LOXHD1: variants seen among roughly 807,000 people sequenced by gnomAD.
The protein encoded by LOXHD1 is lipoxygenase homology PLAT domains 1, also known as lipoxygenase homology domain-containing protein 1.
In LOXHD1, 205 loss-of-function variants were observed where a neutral mutation model predicts 248.2. That is an observed-to-expected ratio of 0.83 (90% CI 0.74 to 0.93). The LOEUF is 0.93. Among genes scored for constraint, LOXHD1 ranks in the 40% least tolerant of loss-of-function variants. LOXHD1 has a pLI of 0.00. For synonymous variants in LOXHD1, 1,113 were observed against 1,162.8 expected (o/e 0.96, Z 0.87); for missense variants, 2,930 against 2,971.6 (o/e 0.99, Z 0.33).
At chr18:46,629,959 T>A (rs2038799079) in intron 4 of LOXHD1, among the ~76,000 whole-genome samples, 1 of 152,118 alleles carries the variant, frequency 6.6e-6, no homozygotes, top group African/African-American at 2.4e-5. Flanking sequence ...CCTGTAATCA[T>A]CAGCCTCTCT....
chr18:46,624,845 T>G (rs982575503), intron 4 of LOXHD1, among the ~76,000 whole-genome samples: 8 of 152,162 alleles, frequency 5.3e-5, no homozygotes, highest in African/African-American at 1.9e-4. Context: ...CCTCTCACTG[T>G]CTTACAAATA....
At chr18:46,611,102 T>C (rs2038501555) in intron 5 of LOXHD1, among the ~76,000 whole-genome samples, 178 bp from the exon 6 acceptor site, 1 of 152,206 alleles carries the variant, frequency 6.6e-6, no homozygotes, top group African/African-American at 2.4e-5. Flanking sequence ...GTTTGCTTCA[T>C]GTGTGGCTTG....
At chr18:46,483,284 G>A (rs1458480282) in intron 40 of LOXHD1, among the ~76,000 whole-genome samples, 1 of 152,152 alleles carries the variant, frequency 6.6e-6, no homozygotes, top group Non-Finnish European at 1.5e-5. Flanking sequence ...GAAAGTCTCT[G>A]CTCTCTGGCA....
At chr18:46,542,008 AG>A in intron 24 of LOXHD1, 68 bp from the exon 25 acceptor site, 2 of 1,443,536 alleles carry the variant, frequency 1.4e-6, no homozygotes, top group Non-Finnish European at 9.3e-7. Flanking sequence ...GGGTAACTTC[AG>A]GGACTCCTGA....
chr18:46,512,984 A>G (rs982467662), intron 34 of LOXHD1, among the ~76,000 whole-genome samples: 36 of 152,248 alleles, frequency 2.4e-4, no homozygotes, highest in African/African-American at 7.7e-4. Flanking sequence ...ATTCAAATCC[A>G]GGTGATATAA....
chr18:46,509,474 TAATTACCTGA>T (rs2034810133), intron 35 of LOXHD1: 9 of 582,478 alleles, frequency 1.5e-5, no homozygotes, highest in South Asian at 7.7e-5. Context: ...AGCTCTTGTT[TAATTACCTGA>T]CAGTTGCTTC....
intron 3 of LOXHD1, among the ~76,000 whole-genome samples, chr18:46,641,055 C>T (rs582865): frequency 0.61 from 92,541 of 151,872 alleles, 28,824 homozygotes; most frequent in East Asian, 0.89. Flanking sequence ...AGCTAGAGGT[C>T]GCCTTTACTC....
In LOXHD1 at chr18:46,649,329, G is replaced by C. The variant is rs368570855; in HGVS notation, c.131-60C>G. On this transcript the variant is annotated intron_variant, in intron 1 of 40. Transcript: ENST00000642948. ...CAGAAAAAAACCGGAATCCTGTGTG[G>C]GCCTGGAGAATCCAGCCCTTGCTGG... The C allele has an allele frequency of 4.1e-5, 58 of 1,411,024 alleles. 1 individual carries two copies. The Admixed American group carries it at 1.1e-3, about 28-fold the overall frequency. 87.4% of individuals were successfully genotyped at this position (1,411,024 alleles called of 1,614,324 possible). A position where few individuals can be genotyped will look rare whatever the true frequency, so the allele number is the denominator to read the frequency against.
intron 23 of LOXHD1, 64 bp downstream of exon 23, chr18:46,545,253 C>G: frequency 8.2e-7 from 1 of 1,223,512 alleles, no homozygotes; most frequent in Non-Finnish European, 1.2e-6. Context: ...GAAATTTCTG[C>G]TGAGTCTTCT....
Position 46,584,645 on chromosome 18 carries a change from G to C in LOXHD1, c.1655-4861C>G, listed in dbSNP as rs2038025361. On this transcript the variant is annotated intron_variant, in intron 12 of 40. Coordinates refer to ENST00000642948, the MANE Select transcript of LOXHD1 (RefSeq NM_001384474.1). ...ATTACTGAATTCTATCAAACACTCA[G>C]AGAAGAAATAATACTAATACTTCTC... Among the ~76,000 whole-genome samples the C allele has an allele frequency of 2.0e-5, 3 of 152,124 alleles. No individual in the cohort carries two copies. In the South Asian group the frequency reaches 6.2e-4, roughly 32 times the overall value.
At chr18:46,625,235 C>G (rs1433124379) in intron 4 of LOXHD1, among the ~76,000 whole-genome samples, 1 of 152,208 alleles carries the variant, frequency 6.6e-6, no homozygotes, top group African/African-American at 2.4e-5. Flanking sequence ...CCCCATTCCA[C>G]AGCTCCCGGT....
In LOXHD1 at chr18:46,534,400, T is replaced by C. The variant is rs1182325987; in HGVS notation, c.4147A>G (p.Thr1383Ala). The C allele has an allele frequency of 2.4e-5, 37 of 1,551,664 alleles. No homozygotes were observed. In the East Asian group the frequency reaches 8.8e-4, roughly 37 times the overall value. Residue 1383 changes from threonine (T) to alanine (A), a missense_variant, in exon 27 of 41, where the codon ACG becomes GCG. Transcript: ENST00000642948. Reference protein sequence around the residue: ...IEKIRIGHNNTGMNPGWHCSH... With the variant: ...IEKIRIGHNNAGMNPGWHCSH... Reference sequence around the variant, plus strand: ...CAGTGCCACCCAGGATTCATGCCCGTGTTATTATGGCCAATCCGAATTTTT... The same window carrying C: ...CAGTGCCACCCAGGATTCATGCCCGCGTTATTATGGCCAATCCGAATTTTT...
chr18:46,594,032 C>T (rs186279129), intron 9 of LOXHD1, among the ~76,000 whole-genome samples: 163 of 152,286 alleles, frequency 1.1e-3, no homozygotes, highest in Middle Eastern at 3.4e-3. Context: ...ACCCTATGTC[C>T]AGTACTTTCA....
At chr18:46,558,151 T>C (rs1014183512) in intron 20 of LOXHD1, 2 of 773,284 alleles carry the variant, frequency 2.6e-6, no homozygotes, top group Admixed American at 6.2e-5. Context: ...AATAGTATGA[T>C]GAAAGTTCAT....
intron 34 of LOXHD1, among the ~76,000 whole-genome samples, chr18:46,515,911 G>A (rs559704726): frequency 1.3e-5 from 2 of 152,246 alleles, no homozygotes; most frequent in South Asian, 4.1e-4. Context: ...TAACCAGACC[G>A]ACGGACCAAA....
chr18:46,650,195 T>C (rs1395214424), intron 1 of LOXHD1, among the ~76,000 whole-genome samples: 1 of 152,170 alleles, frequency 6.6e-6, no homozygotes, highest in Non-Finnish European at 1.5e-5. Flanking sequence ...CCCCAGCTCA[T>C]TCCATTATGA....
intron 33 of LOXHD1, among the ~76,000 whole-genome samples, chr18:46,520,141 C>A (rs556037598): frequency 1.3e-5 from 2 of 152,080 alleles, no homozygotes; most frequent in African/African-American, 4.8e-5. Flanking sequence ...GAAGGATGTG[C>A]GCTATAGAAA....
chr18:46,502,356 T>C (rs975688556), intron 37 of LOXHD1, among the ~76,000 whole-genome samples: 1 of 152,074 alleles, frequency 6.6e-6, no homozygotes, highest in Non-Finnish European at 1.5e-5. Flanking sequence ...GGGGAAGCCA[T>C]CCAGGGAAGA....
chr18:46,587,685 AG>A (rs2038087697), intron 12 of LOXHD1, among the ~76,000 whole-genome samples: 1 of 152,236 alleles, frequency 6.6e-6, no homozygotes, highest in Non-Finnish European at 1.5e-5. Flanking sequence ...CTGATTAACG[AG>A]AAGCTACGAT....
Sources: allele counts gnomAD v4.1 joint callset (sites outside exome capture counted in the v4.1 genomes callset), GRCh38; gene constraint gnomAD v4.1.1; transcripts MANE v1.5; gene names NCBI Gene and HGNC (gene_info 2026-07-23, HGNC 2026-07-21).